PDE1A: variants seen among roughly 807,000 people sequenced by gnomAD.
PDE1A encodes the protein dual specificity calcium/calmodulin-dependent 3',5'-cyclic nucleotide phosphodiesterase 1A.
A neutral mutation model predicts 61.7 loss-of-function variants in PDE1A; 35 were observed. The ratio of observed to expected loss-of-function variants is 0.57; its 90% CI spans 0.43 to 0.75. The LOEUF (loss-of-function observed/expected upper bound fraction) is 0.75. PDE1A is among the 30% of genes least tolerant of loss of function. The pLI is 0.00. For missense variants in PDE1A, 597 were observed against 630.6 expected (o/e 0.95, Z 0.57); for synonymous variants, 232 against 213.2 (o/e 1.09, Z -0.77).
intron 1 of PDE1A, among the ~76,000 whole-genome samples, chr2:182,362,937 C>T (rs1699597464): frequency 6.6e-6 from 1 of 151,930 alleles, no homozygotes; most frequent in Non-Finnish European, 1.5e-5. Flanking sequence ...GGCCTGGAGA[C>T]CATTATCCTT....
chr2:182,667,355 T>C, the PDE1A span, among the ~76,000 whole-genome samples: 3 of 152,202 alleles, frequency 2.0e-5, no homozygotes, highest in African/African-American at 7.2e-5. Flanking sequence ...GTATTGTCCA[T>C]TGGCCTCTGC....
chr2:182,645,161 AT>A, the PDE1A span, among the ~76,000 whole-genome samples: 7 of 151,654 alleles, frequency 4.6e-5, no homozygotes, highest in Admixed American at 1.3e-4. Flanking sequence ...AATTTTTTGT[AT>A]TTTTTAGTAG....
At chr2:182,531,358 G>C in the PDE1A span, among the ~76,000 whole-genome samples, 1 of 132,736 alleles carries the variant, frequency 7.5e-6, no homozygotes, top group Non-Finnish European at 1.6e-5. Context: ...AGCTCAAATG[G>C]ATTAAAAGTA....
chr2:182,362,150 A>G (rs897104939), intron 1 of PDE1A, among the ~76,000 whole-genome samples: 6 of 152,022 alleles, frequency 3.9e-5, no homozygotes, highest in African/African-American at 1.4e-4. Context: ...CTTTCTTCAT[A>G]ATAATATGAA....
intron 1 of PDE1A, among the ~76,000 whole-genome samples, chr2:182,407,570 C>A (rs931428389): frequency 2.6e-5 from 4 of 151,984 alleles, no homozygotes; most frequent in Non-Finnish European, 5.9e-5. Context: ...TTAGTAGAGA[C>A]AGGGTTTCAC....
chr2:182,184,886 C>G (rs1235643848), intron 13 of PDE1A, among the ~76,000 whole-genome samples: 2 of 151,996 alleles, frequency 1.3e-5, no homozygotes, highest in Admixed American at 6.6e-5. Context: ...CTTGAGTATT[C>G]TTAGGTATTT....
In PDE1A at chr2:182,414,694, C is replaced by T. The variant is rs541206113; in HGVS notation, c.53+11884G>A. 6.3e-4 allele frequency among the ~76,000 whole-genome samples: 96 copies of T among 152,186 alleles called. No homozygotes were observed. In the Middle Eastern group the frequency reaches 0.014, roughly 22 times the overall value. ...AAATGAAGAAAAAAAAAGATTCAAG[C>T]GAAGGTCCTTCATTAGCTCAGTGTT... is the stretch of plus-strand genomic sequence containing the variant. On this transcript the variant is annotated intron_variant, in intron 1 of 13. Coordinates refer to ENST00000351439, the Ensembl canonical transcript of PDE1A.
At chr2:182,488,965 G>A (rs1043940551) in intron 2 of PDE1A, among the ~76,000 whole-genome samples, 1 of 152,080 alleles carries the variant, frequency 6.6e-6, no homozygotes, top group Non-Finnish European at 1.5e-5. Flanking sequence ...CTTTCTAATG[G>A]GCATGGGCAA....
the PDE1A span, among the ~76,000 whole-genome samples, chr2:182,586,270 A>G: frequency 6.6e-6 from 1 of 152,206 alleles, no homozygotes; most frequent in African/African-American, 2.4e-5. Flanking sequence ...GCAATTAACT[A>G]GAAGGGATAA....
At chr2:182,563,370 G>T in the PDE1A span, among the ~76,000 whole-genome samples, 4 of 152,246 alleles carry the variant, frequency 2.6e-5, no homozygotes, top group South Asian at 8.3e-4. Context: ...GTGGTTTTGA[G>T]TGAGTTTCTT....
At chr2:182,675,163 A>G in the PDE1A span, among the ~76,000 whole-genome samples, 15 of 152,002 alleles carry the variant, frequency 9.9e-5, no homozygotes, top group Admixed American at 8.5e-4. Flanking sequence ...TGTGTTCATG[A>G]GTTCTCCTTA....
chr2:182,174,567 G>A (rs1016343915), intron 13 of PDE1A, among the ~76,000 whole-genome samples: 1 of 151,914 alleles, frequency 6.6e-6, no homozygotes, highest in African/African-American at 2.4e-5. Flanking sequence ...ACAAAAAGAA[G>A]GGCAAATTCA....
chr2:182,271,214 A>G (rs1692997959), intron 1 of PDE1A, among the ~76,000 whole-genome samples: 1 of 151,060 alleles, frequency 6.6e-6, no homozygotes. Flanking sequence ...TACCTATGTG[A>G]AATGATGGAT....
intron 1 of PDE1A, among the ~76,000 whole-genome samples, chr2:182,283,595 C>T (rs1271934237): frequency 6.6e-6 from 1 of 151,698 alleles, no homozygotes; most frequent in Non-Finnish European, 1.5e-5. Context: ...ACTTTTAGCT[C>T]AGAAAAAAAT....
chr2:182,382,837 G>A (rs1280727437), intron 1 of PDE1A, among the ~76,000 whole-genome samples: 1 of 151,838 alleles, frequency 6.6e-6, no homozygotes, highest in Admixed American at 6.6e-5. Flanking sequence ...GATTTAAATA[G>A]GTATCTTCCA....
intron 1 of PDE1A, among the ~76,000 whole-genome samples, chr2:182,342,587 G>A (rs933648572): frequency 6.6e-6 from 1 of 152,202 alleles, no homozygotes; most frequent in Non-Finnish European, 1.5e-5. Flanking sequence ...GGAGGCTGAG[G>A]CAGGAGAATC....
At chr2:182,195,482 T>C (rs151165987) in intron 10 of PDE1A, among the ~76,000 whole-genome samples, 82 of 152,202 alleles carry the variant, frequency 5.4e-4, no homozygotes, top group African/African-American at 1.9e-3. Flanking sequence ...TCTCTCTAAT[T>C]TGCATTATTA....
At chr2:182,301,447 T>C (rs1227845280) in intron 1 of PDE1A, among the ~76,000 whole-genome samples, 1 of 152,104 alleles carries the variant, frequency 6.6e-6, no homozygotes, top group Non-Finnish European at 1.5e-5. Context: ...CCCAGTTGGG[T>C]GATGTGTGCT....
chr2:182,401,579 A>C (rs1055506069), intron 1 of PDE1A, among the ~76,000 whole-genome samples: 1 of 152,252 alleles, frequency 6.6e-6, no homozygotes, highest in African/African-American at 2.4e-5. Flanking sequence ...AGAATGGGCA[A>C]AAGCTGGAAG....
Sources: gnomAD v4.1 joint callset for allele counts (sites outside exome capture counted in the v4.1 genomes callset) on GRCh38, gnomAD v4.1.1 for gene constraint, MANE v1.5 for transcripts, NCBI Gene and HGNC (gene_info 2026-07-23, HGNC 2026-07-21) for gene names.